Variants in CCL28 observed in about 807,000 individuals in gnomAD.
CCL28 encodes the protein C-C motif chemokine ligand 28, also known as C-C motif chemokine 28.
CCL28 carries 4 observed loss-of-function variants against 7.1 expected under a neutral mutation model. The ratio of observed to expected loss-of-function variants is 0.56; its 90% confidence interval spans 0.28 to 1.29. CCL28 has a LOEUF of 1.29. Ranked by LOEUF, CCL28 falls within the 50% of genes most tolerant of loss-of-function variation. CCL28 has a pLI of 0.11. For missense variants in CCL28, 151 were observed against 163.4 expected (o/e 0.92, Z 0.41); for synonymous variants, 55 against 57.8 (o/e 0.95, Z 0.22).
At chr5:43,369,839 T>C in the CCL28 span, among the ~76,000 whole-genome samples, 1 of 152,192 alleles carries the variant, frequency 6.6e-6, no homozygotes, top group Non-Finnish European at 1.5e-5. Flanking sequence ...GCCAACTTGT[T>C]TTAATTAACT....
chr5:43,366,819 C>T, the CCL28 span, among the ~76,000 whole-genome samples: 1 of 152,214 alleles, frequency 6.6e-6, no homozygotes, highest in African/African-American at 2.4e-5. Context: ...CTACCGGCTG[C>T]TGCCTTTCTT....
the CCL28 span, among the ~76,000 whole-genome samples, chr5:43,363,847 G>A: frequency 2.0e-5 from 3 of 152,196 alleles, no homozygotes; most frequent in African/African-American, 4.8e-5. Flanking sequence ...CCATAAAGGG[G>A]GAGAGGAGAG....
chr5:43,382,038 C>T lies in CCL28; in HGVS notation c.206G>A (p.Arg69His), dbSNP rs202209667. 19 of 1,609,736 alleles carry T rather than the reference C, an allele frequency of 1.2e-5. No homozygotes were observed. Among genetic ancestry groups the T allele is most frequent in the Admixed American group, 5.1e-5 (3 of 59,396 alleles). Residue 69 changes from arginine to histidine, a missense_variant, in exon 3 of 3, where the codon CGC (arginine) becomes CAC (histidine). Transcript: ENST00000361115. ...GTGCGGGCTGACACAGATTCTTCTG[C>T]GCTTGACATGAAGGCTGTTAGAAAA... ...DLAAVILHVKRRRICVSPHNH... is the reference protein window; with the variant it reads ...DLAAVILHVKHRRICVSPHNH...
chr5:43,365,279 A>G, the CCL28 span, among the ~76,000 whole-genome samples: 4 of 152,178 alleles, frequency 2.6e-5, no homozygotes, highest in Non-Finnish European at 5.9e-5. Context: ...CTGGGTTTAC[A>G]GGCATGAGCC....
In CCL28 at chr5:43,396,402, G is replaced by C. The variant is rs890192506; in HGVS notation, c.65-7926C>G. 5.9e-5 allele frequency among the ~76,000 whole-genome samples: 9 copies of C among 152,248 alleles called. No homozygotes were observed. In the East Asian group the frequency reaches 1.5e-3, roughly 26 times the overall value. ...CTATGTCATCCTGTGACTTAGATGG[G>C]AATGCAGCTTAGTAGGTTTCAGCCT... On this transcript the variant is annotated intron_variant, in intron 1 of 2. Transcript: ENST00000361115.
chr5:43,406,931 C>A (rs946531944), intron 1 of CCL28, among the ~76,000 whole-genome samples: 1 of 152,210 alleles, frequency 6.6e-6, no homozygotes, highest in African/African-American at 2.4e-5. Flanking sequence ...ATCCAACTTA[C>A]AAGGGATGTG....
At chr5:43,392,853 C>T (rs1356077063) in intron 1 of CCL28, among the ~76,000 whole-genome samples, 3 of 152,066 alleles carry the variant, frequency 2.0e-5, no homozygotes, top group Non-Finnish European at 4.4e-5. Flanking sequence ...ATTTGGGATA[C>T]TTATCTCTTC....
the CCL28 span, among the ~76,000 whole-genome samples, chr5:43,358,204 A>G: frequency 1.3e-5 from 2 of 152,228 alleles, no homozygotes; most frequent in Non-Finnish European, 2.9e-5. Context: ...CAAAAGACAA[A>G]TTACAAAAAA....
rs990610298 is a variant in CCL28 at position 43,395,774 on chromosome 5, G to A, written c.65-7298C>T. On this transcript the variant is annotated intron_variant, in intron 1 of 2. Coordinates refer to ENST00000361115, the MANE Select transcript of CCL28 (RefSeq NM_148672.3). ...GGCTACTTCATAGAGCAGCCCTGAGGGTGGCTGGTTGCCCATTTTTATGGT... is the reference window on the plus strand; with the variant it reads ...GGCTACTTCATAGAGCAGCCCTGAGAGTGGCTGGTTGCCCATTTTTATGGT... Among the ~76,000 whole-genome samples the A allele has an allele frequency of 4.1e-4, 62 of 151,990 alleles. 1 individual carries two copies. The highest frequency in any genetic ancestry group is 4.4e-5 in the Non-Finnish European group (3 of 68,008).
intron 1 of CCL28, among the ~76,000 whole-genome samples, chr5:43,409,357 C>T (rs574234031): frequency 3.9e-5 from 6 of 152,058 alleles, no homozygotes; most frequent in East Asian, 1.9e-4. Context: ...ACCCAGGAGG[C>T]GGAGGTTGCA....
the CCL28 span, among the ~76,000 whole-genome samples, chr5:43,370,988 C>G: frequency 2.0e-5 from 3 of 152,298 alleles, no homozygotes; most frequent in African/African-American, 7.2e-5. Context: ...GTGATCCACC[C>G]CCTTTGGCCT....
chr5:43,382,929 C>T (rs769439949), intron 2 of CCL28, among the ~76,000 whole-genome samples: 1 of 152,064 alleles, frequency 6.6e-6, no homozygotes, highest in Admixed American at 6.6e-5. Context: ...AGTGATTCTT[C>T]TGCCTCAGCC....
intron 2 of CCL28, among the ~76,000 whole-genome samples, chr5:43,383,512 T>A (rs1204605213): frequency 6.6e-6 from 1 of 152,124 alleles, no homozygotes; most frequent in Non-Finnish European, 1.5e-5. Flanking sequence ...TGGGGAATAT[T>A]AATTTGAAAG....
chr5:43,377,959 C>T (rs1484756892), downstream of CCL28, among the ~76,000 whole-genome samples: 1 of 134,786 alleles, frequency 7.4e-6, no homozygotes, highest in African/African-American at 3.6e-5. Flanking sequence ...GTCTCGATCT[C>T]CTGACCTCGT....
At position 43,409,255 on chromosome 5, in the gene CCL28, G is replaced by A. The variant is rs187598830; in HGVS notation, c.64+2998C>T. The stretch of plus-strand genomic sequence containing the variant: ...AGCCTGGCCAACATGGTGAAACCCC[G>A]TCTCTACTAAAAATACAAAAATTAG... On this transcript the variant is annotated intron_variant, in intron 1 of 2. Transcript: ENST00000361115. Among the ~76,000 whole-genome samples, 517 of 151,952 alleles carry A rather than the reference G, an allele frequency of 3.4e-3. 1 individual carries two copies. The highest frequency in any genetic ancestry group is 0.012 in the African/African-American group (488 of 41,390).
chr5:43,391,194 G>A (rs1022087691), intron 1 of CCL28, among the ~76,000 whole-genome samples: 2 of 152,164 alleles, frequency 1.3e-5, no homozygotes, highest in Non-Finnish European at 2.9e-5. Flanking sequence ...TCAAGGTGGT[G>A]GCATTTGAGC....
chr5:43,383,007 TG>T (rs1341955984), intron 2 of CCL28, among the ~76,000 whole-genome samples: 1 of 151,926 alleles, frequency 6.6e-6, no homozygotes, highest in African/African-American at 2.4e-5. Context: ...TTAGTAGAGA[TG>T]GGGTTTTACC....
intron 2 of CCL28, among the ~76,000 whole-genome samples, chr5:43,387,327 A>T (rs1740381930): frequency 2.0e-5 from 3 of 152,206 alleles, no homozygotes; most frequent in Admixed American, 1.3e-4. Context: ...CCTGTGTATG[A>T]TTGGGAGATC....
the CCL28 span, among the ~76,000 whole-genome samples, chr5:43,365,518 T>TC: frequency 1.4e-4 from 21 of 152,148 alleles, no homozygotes; most frequent in Non-Finnish European, 2.4e-4. Context: ...TGTTTTTTTC[T>TC]CCCCCCCATA....
Sources: gnomAD v4.1 joint callset for allele counts (sites outside exome capture counted in the v4.1 genomes callset) on GRCh38, gnomAD v4.1.1 for gene constraint, MANE v1.5 for transcripts, NCBI Gene and HGNC (gene_info 2026-07-23, HGNC 2026-07-21) for gene names.